Variants in DLGAP2 observed in about 807,000 individuals in gnomAD.
The protein encoded by DLGAP2 is DLG associated protein 2.
DLGAP2 carries 26 observed loss-of-function variants against 100.3 expected under a neutral mutation model. That is an observed-to-expected ratio of 0.26 (90% CI 0.19 to 0.36). DLGAP2 has a LOEUF of 0.36. Ranked by LOEUF, DLGAP2 falls within the 10% of genes least tolerant of loss-of-function variation. DLGAP2 has a pLI of 1.00. For missense variants in DLGAP2, 1,858 were observed against 1,453.2 expected (o/e 1.28, Z -4.53); for synonymous variants, 886 against 630.1 (o/e 1.41, Z -6.08).
intron 2 of DLGAP2, among the ~76,000 whole-genome samples, chr8:959,990 C>T (rs1472647440): frequency 6.6e-6 from 1 of 152,056 alleles, no homozygotes; most frequent in Non-Finnish European, 1.5e-5. Context: ...TATTGTTCTA[C>T]AGGGCAATAA....
At chr8:935,624 G>C (rs1219469577) in intron 2 of DLGAP2, among the ~76,000 whole-genome samples, 1 of 152,148 alleles carries the variant, frequency 6.6e-6, no homozygotes, top group Non-Finnish European at 1.5e-5. Context: ...CCTGCACCGA[G>C]TTCCATGTTT....
chr8:1,118,517 A>G lies in DLGAP2; in HGVS notation c.74-140334A>G, dbSNP rs575188173. On this transcript the variant is annotated intron_variant, in intron 2 of 14. Transcript: ENST00000637795. The stretch of plus-strand genomic sequence containing the variant: ...ATAATCCAAAAGCAGCATCAGGAAA[A>G]GAAGCTAAACTGTGCGAATAGAAAT... Among the ~76,000 whole-genome samples, 66 of 152,312 alleles carry G rather than the reference A, an allele frequency of 4.3e-4. No individual in the cohort carries two copies. The South Asian group carries it at 7.3e-3, about 17-fold the overall frequency.
At chr8:1,656,780 C>A (rs530466133) in intron 8 of DLGAP2, among the ~76,000 whole-genome samples, 1 of 152,184 alleles carries the variant, frequency 6.6e-6, no homozygotes, top group Non-Finnish European at 1.5e-5. Flanking sequence ...GTGTGATTAA[C>A]CTTTTCTTCG....
chr8:888,409 A>G (rs1797964104), intron 1 of DLGAP2, among the ~76,000 whole-genome samples: 1 of 152,136 alleles, frequency 6.6e-6, no homozygotes, highest in Non-Finnish European at 1.5e-5. Flanking sequence ...TCCTCCATCC[A>G]GTTCTGCACG....
intron 2 of DLGAP2, among the ~76,000 whole-genome samples, chr8:1,110,185 G>T (rs1205574653): frequency 2.8e-5 from 4 of 140,368 alleles, no homozygotes; most frequent in Non-Finnish European, 6.1e-5. Flanking sequence ...GTGTGCATGG[G>T]TCTGTGACAT....
At chr8:963,151 G>C (rs975018989) in intron 2 of DLGAP2, among the ~76,000 whole-genome samples, 2 of 152,200 alleles carry the variant, frequency 1.3e-5, no homozygotes, top group Non-Finnish European at 2.9e-5. Flanking sequence ...TGTGTCGAAG[G>C]AGAGTCCACA....
intron 2 of DLGAP2, among the ~76,000 whole-genome samples, chr8:940,624 G>A (rs1584907432): frequency 6.6e-6 from 1 of 152,234 alleles, no homozygotes; most frequent in East Asian, 1.9e-4. Flanking sequence ...GGACGTTTTC[G>A]GGGGAAGGGG....
intron 1 of DLGAP2, among the ~76,000 whole-genome samples, chr8:844,849 G>T (rs1318824045): frequency 6.6e-6 from 1 of 151,892 alleles, no homozygotes; most frequent in Non-Finnish European, 1.5e-5. Context: ...TCCTCCCCAG[G>T]CCAGGCCTGG....
At position 1,590,004 on chromosome 8, in the gene DLGAP2, G is replaced by A. The variant is rs1190515884; in HGVS notation, c.1442+24110G>A. On this transcript the variant is annotated intron_variant, in intron 6 of 14. Coordinates refer to ENST00000637795, the MANE Select transcript of DLGAP2 (RefSeq NM_001346810.2). The stretch of plus-strand genomic sequence containing the variant: ...TGGGAGCCAGAAGTCTGAAATCAAG[G>A]TGTGGGCAAGGCCTCGCTCCCTGCA... 2.0e-5 allele frequency among the ~76,000 whole-genome samples: 3 copies of A among 152,206 alleles called. No individual in the cohort carries two copies. In the South Asian group the frequency reaches 6.2e-4, roughly 32 times the overall value.
intron 7 of DLGAP2, among the ~76,000 whole-genome samples, chr8:1,630,244 C>G (rs772609093): frequency 6.6e-6 from 1 of 152,166 alleles, no homozygotes; most frequent in East Asian, 1.9e-4. Flanking sequence ...GTGTCACACC[C>G]AGAAACAAAC....
chr8:1,281,893 C>A (rs992855703), intron 3 of DLGAP2, among the ~76,000 whole-genome samples: 4 of 152,244 alleles, frequency 2.6e-5, no homozygotes, highest in African/African-American at 9.6e-5. Context: ...GTTCAAACCA[C>A]AGCCAGAGGG....
At chr8:1,316,585 A>G (rs1304050801) in intron 3 of DLGAP2, among the ~76,000 whole-genome samples, 2 of 138,940 alleles carry the variant, frequency 1.4e-5, no homozygotes, top group Non-Finnish European at 3.1e-5. Context: ...AGTGGTCTAC[A>G]CTCGAGACAC....
At chr8:1,147,791 G>C (rs1796633150) in intron 2 of DLGAP2, among the ~76,000 whole-genome samples, 3 of 151,440 alleles carry the variant, frequency 2.0e-5, no homozygotes, top group Non-Finnish European at 4.4e-5. Context: ...CCAATACAGT[G>C]GTATAGTGAT....
chr8:1,388,263 A>G (rs1386455400), intron 3 of DLGAP2, among the ~76,000 whole-genome samples: 13 of 96,418 alleles, frequency 1.3e-4, no homozygotes, highest in South Asian at 4.6e-4. Flanking sequence ...GCCGTGGATG[A>G]GGAGGCGCTG....
At chr8:1,281,500 C>A (rs1265362428) in intron 3 of DLGAP2, among the ~76,000 whole-genome samples, 1 of 152,302 alleles carries the variant, frequency 6.6e-6, no homozygotes, top group East Asian at 1.9e-4. Flanking sequence ...CACATCAGCC[C>A]CGGCGGAGAC....
At chr8:1,197,052 C>T (rs1018069439) in intron 2 of DLGAP2, among the ~76,000 whole-genome samples, 4 of 152,234 alleles carry the variant, frequency 2.6e-5, no homozygotes, top group Middle Eastern at 3.4e-3. Flanking sequence ...ATGGAGGCCT[C>T]GCCCAAGAAG....
intron 6 of DLGAP2, among the ~76,000 whole-genome samples, chr8:1,580,418 C>T (rs971365857): frequency 1.3e-5 from 2 of 152,102 alleles, no homozygotes; most frequent in African/African-American, 4.8e-5. Flanking sequence ...TGGAAATTAC[C>T]CAGCGGAGGC....
At chr8:1,199,013 T>C (rs1379397204) in intron 2 of DLGAP2, among the ~76,000 whole-genome samples, 1 of 152,220 alleles carries the variant, frequency 6.6e-6, no homozygotes, top group Non-Finnish European at 1.5e-5. Flanking sequence ...CTCCTTAAAA[T>C]GCAGCAGAGG....
intron 2 of DLGAP2, among the ~76,000 whole-genome samples, chr8:1,061,100 A>G (rs980807499): frequency 2.0e-5 from 3 of 152,296 alleles, no homozygotes; most frequent in East Asian, 3.9e-4. Context: ...TGAAGAACCC[A>G]TCCACCAGGT....
Sources: gnomAD v4.1 joint callset for allele counts (sites outside exome capture counted in the v4.1 genomes callset) on GRCh38, gnomAD v4.1.1 for gene constraint, MANE v1.5 for transcripts, NCBI Gene and HGNC (gene_info 2026-07-23, HGNC 2026-07-21) for gene names.